The following MUS81 variants were observed in gnomAD, a reference collection of about 807,000 sequenced individuals.
MUS81 encodes MUS81 structure-specific endonuclease subunit.
In MUS81, 69 loss-of-function variants were observed where a neutral mutation model predicts 74.2. The observed-to-expected ratio is 0.93, with a 90% CI of 0.77 to 1.14. The LOEUF is 1.14. MUS81 is among the 50% of genes most tolerant of loss of function. The probability of loss-of-function intolerance (pLI) is 0.00; values close to 1 mark genes in which losing one functional copy is unlikely to be tolerated. For missense variants in MUS81, 711 were observed against 726.5 expected (o/e 0.98, Z 0.25); for synonymous variants, 303 against 300.6 (o/e 1.01, Z -0.08).
Position 65,865,280 on chromosome 11 carries a change from G to A in MUS81, c.1462G>A (p.Glu488Lys). 1.2e-6 allele frequency: 2 copies of A among 1,614,172 alleles called. No individual in the cohort carries two copies. Among genetic ancestry groups the A allele is most frequent in the Non-Finnish European group, 1.7e-6 (2 of 1,180,012 alleles). ...QLMQVRGVSG[E>K]KAAALVDRYS... ...GATGCAGGTGCGCGGAGTGAGTGGG[G>A]AGAAGGCAGCAGCCCTGGTGGATCG... Residue 488 changes from glutamate to lysine, a missense_variant, in exon 14 of 16, where the codon GAG becomes AAG. By Grantham distance (56) the Glu-to-Lys change is moderately conservative (BLOSUM62 1). Coordinates refer to ENST00000308110, the MANE Select transcript of MUS81 (RefSeq NM_025128.5).
At chr11:65,859,699 A>G (rs918209870), upstream of MUS81, among the ~76,000 whole-genome samples, 2 of 152,222 alleles carry the variant, frequency 1.3e-5, no homozygotes, top group African/African-American at 4.8e-5. Flanking sequence ...GACTTCCGGC[A>G]TAGCAGCTAG....
chr11:65,862,353 G>A (rs1859640152), intron 5 of MUS81, 74 bp downstream of exon 5: 3 of 1,589,656 alleles, frequency 1.9e-6, no homozygotes, highest in Non-Finnish European at 2.6e-6. Context: ...TCTTGCAGTG[G>A]GCCCATGTGT....
At chr11:65,864,233 C>T (rs1335003497) in intron 10 of MUS81, 2 of 586,268 alleles carry the variant, frequency 3.4e-6, no homozygotes, top group Non-Finnish European at 3.0e-6. Context: ...GGGTGGACCC[C>T]TAGTCACAGA....
rs372789256 is a variant in MUS81 at position 65,865,305 on chromosome 11, G to A, written c.1487G>A (p.Arg496Gln). 64 of 1,613,814 alleles carry A rather than the reference G, an allele frequency of 4.0e-5. No homozygotes were observed. The highest frequency in any genetic ancestry group is 1.0e-4 in the Admixed American group (6 of 59,976). The change falls in exon 14 of 16, where the codon CGA becomes CAA. Residue 496 changes from arginine (R) to glutamine (Q), a missense_variant. Physicochemically the swap from Arg to Gln is conservative, Grantham distance 43 (BLOSUM62 1). Transcript: ENST00000308110. ...GAGAAGGCAGCAGCCCTGGTGGATC[G>A]ATACAGCACCCCTGCCAGGTAGGCC... ...SGEKAAALVDRYSTPASLLAA... is the reference protein window; with the variant it reads ...SGEKAAALVDQYSTPASLLAA...
chr11:65,863,267 G>A, intron 7 of MUS81, 62 bp downstream of exon 7: 2 of 1,582,198 alleles, frequency 1.3e-6, no homozygotes, highest in Non-Finnish European at 1.7e-6. Context: ...TGAGGCCAAA[G>A]CCCCGCCCCA....
Position 65,866,053 on chromosome 11 carries a change from G to C in MUS81, c.*1G>C, listed in dbSNP as rs557290025. 3.7e-6 allele frequency: 6 copies of C among 1,613,710 alleles called. No homozygotes were observed. The East Asian group carries it at 1.3e-4, about 36-fold the overall frequency. On this transcript the variant is annotated 3_prime_UTR_variant, in exon 16 of 16. Coordinates refer to ENST00000308110, the MANE Select transcript of MUS81 (RefSeq NM_025128.5). ...CTGCAGCTACGGCCCCTTGACCTGAGCTTATGCCGTGAAACAGCCCCCAGC... is the reference window on the plus strand; with the variant it reads ...CTGCAGCTACGGCCCCTTGACCTGACCTTATGCCGTGAAACAGCCCCCAGC...
At chr11:65,861,277 A>C in intron 2 of MUS81, 73 bp from the exon 3 acceptor site, 2 of 1,532,182 alleles carry the variant, frequency 1.3e-6, no homozygotes, top group Non-Finnish European at 1.8e-6. Context: ...TAACCATCTG[A>C]GTAGGTTGCA....
rs191352620 is a variant in MUS81, at chr11:65,861,252, C to T, written c.266-98C>T. The T allele has an allele frequency of 4.2e-5, 64 of 1,531,220 alleles. 1 individual carries two copies. In the African/African-American group the frequency reaches 7.3e-4, roughly 17 times the overall value. 94.9% of individuals were successfully genotyped at this position (1,531,220 alleles called of 1,614,324 possible). On this transcript the variant is annotated intron_variant, in intron 2 of 15. Transcript: ENST00000308110. ...AGTGGCTGGCGCTCCCTGAGCCTCC[C>T]TCACCGGTCTCACGTAACCATCTGA...
At chr11:65,864,137 G>A (rs1335937606) in intron 10 of MUS81, 1 of 599,624 alleles carries the variant, frequency 1.7e-6, no homozygotes, top group African/African-American at 1.9e-5. Context: ...AGACCTCTTG[G>A]GTACCCAGCC....
Position 65,860,785 on chromosome 11 carries a change from G to T in MUS81, c.32G>T (p.Arg11Leu), listed in dbSNP as rs768885045. 12 of 1,537,850 alleles carry T rather than the reference G, an allele frequency of 7.8e-6. No individual in the cohort carries two copies. Among genetic ancestry groups the T allele is most frequent in the Non-Finnish European group, 9.6e-6 (11 of 1,146,344 alleles). The change falls in exon 1 of 16, where the codon CGC becomes CTC. Residue 11 changes from arginine (R) to leucine (L), a missense_variant. By Grantham distance (102) the Arg-to-Leu change is moderately radical. Coordinates refer to ENST00000308110, the MANE Select transcript of MUS81 (RefSeq NM_025128.5). ...GCCCCGGTCCGCCTGGGCCGGAAGC[G>T]CCCGCTGCCTGCCTGTCCCAACCCG... MAAPVRLGRK[R>L]PLPACPNPLF... is the part of the protein sequence containing the mutation.
At chr11:65,866,777 A>T, downstream of MUS81, 2 of 1,129,450 alleles carry the variant, frequency 1.8e-6, no homozygotes. Context: ...ACCCTGCCCC[A>T]GCCTGAGGCT....
In MUS81 at chr11:65,865,896, T is replaced by G; in HGVS notation, c.1589+2T>G. Reference sequence around the variant, plus strand: ...CATTAAGTGTGGGCGTCTACAGAGGTGAGGGCAAGAGACGGAACCTGGAGG... The same window carrying G: ...CATTAAGTGTGGGCGTCTACAGAGGGGAGGGCAAGAGACGGAACCTGGAGG... On this transcript the variant is annotated splice_donor_variant, in intron 15 of 15. Coordinates refer to ENST00000308110, the MANE Select transcript of MUS81 (RefSeq NM_025128.5). LOFTEE classifies it high-confidence loss of function. The G allele has an allele frequency of 1.2e-6, 2 of 1,613,754 alleles. No homozygotes were observed. Among genetic ancestry groups the G allele is most frequent in the Non-Finnish European group, 1.7e-6 (2 of 1,179,932 alleles).
intron 12 of MUS81, 72 bp downstream of exon 12, chr11:65,864,887 T>TC: frequency 6.3e-7 from 1 of 1,579,704 alleles, no homozygotes; most frequent in South Asian, 1.1e-5. Flanking sequence ...GCCCTGTGCA[T>TC]CCCCAAAAGA....
At chr11:65,860,221 C>A (rs966468761), upstream of MUS81, 8 of 455,658 alleles carry the variant, frequency 1.8e-5, no homozygotes, top group Non-Finnish European at 3.1e-5. Context: ...CGTTTGTCTC[C>A]TAGCCCCCGC....
In MUS81 at chr11:65,860,851, C is replaced by A. The variant is rs531054625; in HGVS notation, c.98C>A (p.Thr33Asn). 8 of 1,545,310 alleles carry A rather than the reference C, an allele frequency of 5.2e-6. No individual in the cohort carries two copies. The East Asian group carries it at 1.7e-4, about 33-fold the overall frequency. Residue 33 changes from threonine to asparagine, a missense_variant, in exon 1 of 16, where the codon ACC becomes AAC. Physicochemically the swap from Thr to Asn is moderately conservative, Grantham distance 65. Coordinates refer to ENST00000308110, the MANE Select transcript of MUS81 (RefSeq NM_025128.5). ...CTGACCGAGTGGCGGGACGAGGCGA[C>A]CCGCAGCAGGCGCCGCACGCGCTTC... ...RWLTEWRDEA[T>N]RSRRRTRFVF...
rs763320107 is a variant in MUS81 at position 65,863,490 on chromosome 11, G to A, written c.827G>A (p.Gly276Asp). 6 of 1,614,072 alleles carry A rather than the reference G, an allele frequency of 3.7e-6. No individual in the cohort carries two copies. Among genetic ancestry groups the A allele is most frequent in the Non-Finnish European group, 5.1e-6 (6 of 1,180,028 alleles). The part of the protein sequence containing the change: ...EYRVLLCVDI[G>D]ETRGGGHRPE... ...AGGGTGCTGTTGTGTGTGGACATTG[G>A]CGAGACCCGGGGGTGAGTGAGGTGG... is the stretch of plus-strand genomic sequence containing the variant. Residue 276 changes from glycine (G) to aspartate (D), a missense_variant, in exon 8 of 16, where the codon GGC becomes GAC. By Grantham distance (94) the Gly-to-Asp change is moderately conservative. Transcript: ENST00000308110.
At chr11:65,861,136 A>AC (rs1396813802) in intron 2 of MUS81, 34 bp downstream of exon 2, 1 of 1,609,972 alleles carries the variant, frequency 6.2e-7, no homozygotes. Flanking sequence ...GTGATCCCCC[A>AC]CCTCCCCCAG....
At position 65,866,160 on chromosome 11, in the gene MUS81, C is replaced by A; in HGVS notation, c.*108C>A. On this transcript the variant is annotated 3_prime_UTR_variant, in exon 16 of 16. Transcript: ENST00000308110. ...CAATTAGAATCTAAGTGTTTGCAGCCATATGTGTCATGTAGAAGATGCCTA... is the reference window on the plus strand; with the variant it reads ...CAATTAGAATCTAAGTGTTTGCAGCAATATGTGTCATGTAGAAGATGCCTA... 9.3e-7 allele frequency: 1 copy of A among 1,080,318 alleles called. No homozygotes were observed. The highest frequency in any genetic ancestry group is 1.3e-6 in the Non-Finnish European group (1 of 750,636). The allele number at this position is 1,080,318 out of a possible 1,614,324, so 66.9% of individuals were successfully genotyped here. A position where few individuals can be genotyped will look rare whatever the true frequency, so the allele number is the denominator to read the frequency against.
At position 65,860,810 on chromosome 11, in the gene MUS81, G is replaced by A; in HGVS notation, c.57G>A (p.Pro19=). 1.3e-6 allele frequency: 2 copies of A among 1,546,324 alleles called. No individual in the cohort carries two copies. The highest frequency in any genetic ancestry group is 8.7e-7 in the Non-Finnish European group (1 of 1,148,816). The part of the protein sequence containing the change: ...RKRPLPACPN[P]LFVRWLTEWR... ...GCCCGCTGCCTGCCTGTCCCAACCC[G>A]CTCTTCGTTCGCTGGCTGACCGAGT... Residue 19 remains proline (P), a synonymous_variant, in exon 1 of 16, where the codon CCG becomes CCA. Transcript: ENST00000308110.
Sources: allele counts gnomAD v4.1 joint callset (sites outside exome capture counted in the v4.1 genomes callset), GRCh38; gene constraint gnomAD v4.1.1; transcripts MANE v1.5; gene names NCBI Gene and HGNC (gene_info 2026-07-23, HGNC 2026-07-21).